SLC44A2: variants seen among roughly 807,000 people sequenced by gnomAD.
SLC44A2 encodes the protein solute carrier family 44 member 2 (CTL2 blood group).
SLC44A2 carries 57 observed loss-of-function variants against 90.8 expected under a neutral mutation model. The observed-to-expected ratio is 0.63, with a 90% confidence interval of 0.51 to 0.78. SLC44A2 has a LOEUF of 0.78. Ranked by LOEUF, SLC44A2 falls within the 30% of genes least tolerant of loss-of-function variation. SLC44A2 has a pLI of 0.00. For missense variants in SLC44A2, 794 were observed against 919.7 expected, an observed-to-expected ratio of 0.86 and a Z score of 1.77; for synonymous variants, 355 against 360.7, an observed-to-expected ratio of 0.98 and a Z score of 0.18.
At position 10,631,138 on chromosome 19, in the gene SLC44A2, C is replaced by T. The variant is rs1319917062; in HGVS notation, c.327C>T (p.Pro109=). The T allele has an allele frequency of 1.2e-6, 2 of 1,613,780 alleles. No homozygotes were observed. The highest frequency in any genetic ancestry group is 2.2e-5 in the East Asian group (1 of 44,876). ...LVLLEFQCPT[P]QICVEKCPDR... ...TGCTGGAATTCCAATGTCCCACTCC[C>T]CAGGTAACCTGGTCCCCACCGTTCC... Residue 109 remains proline, a synonymous_variant, in exon 5 of 22, where the codon CCC becomes CCT. Coordinates refer to ENST00000335757, the MANE Select transcript of SLC44A2 (RefSeq NM_020428.4).
chr19:10,633,815 A>G (rs1279262092), intron 10 of SLC44A2, among the ~76,000 whole-genome samples: 1 of 152,096 alleles, frequency 6.6e-6, no homozygotes, highest in African/African-American at 2.4e-5. Context: ...ATCCAATTTG[A>G]GGACACTCAT....
intron 1 of SLC44A2, among the ~76,000 whole-genome samples, chr19:10,619,655 T>C (rs1381283801): frequency 6.6e-6 from 1 of 151,782 alleles, no homozygotes; most frequent in Non-Finnish European, 1.5e-5. Flanking sequence ...CATTTAAGTA[T>C]AAAATTAGCA....
At chr19:10,606,387 T>C (rs1208737321) in intron 1 of SLC44A2, among the ~76,000 whole-genome samples, 4 of 151,964 alleles carry the variant, frequency 2.6e-5, no homozygotes, top group Non-Finnish European at 5.9e-5. Flanking sequence ...TATATATATA[T>C]ACATGTGGCC....
At chr19:10,614,164 A>AC (rs1291267698) in intron 1 of SLC44A2, among the ~76,000 whole-genome samples, 1 of 151,880 alleles carries the variant, frequency 6.6e-6, no homozygotes, top group Non-Finnish European at 1.5e-5. Context: ...ATGGGGTTTC[A>AC]CCACGTTGGC....
intron 4 of SLC44A2, among the ~76,000 whole-genome samples, chr19:10,630,382 C>G (rs557366225): frequency 2.6e-4 from 40 of 152,108 alleles, no homozygotes; most frequent in African/African-American, 9.2e-4. Flanking sequence ...AGAGGCCGGG[C>G]GCAGTGGCTC....
At chr19:10,614,655 CT>C (rs1207893026) in intron 1 of SLC44A2, among the ~76,000 whole-genome samples, 7 of 152,112 alleles carry the variant, frequency 4.6e-5, no homozygotes, top group African/African-American at 1.4e-4. Context: ...ATATCGTATT[CT>C]TACAATAAAG....
chr19:10,620,478 A>G (rs2066887926), intron 1 of SLC44A2, among the ~76,000 whole-genome samples: 2 of 152,252 alleles, frequency 1.3e-5, no homozygotes, highest in South Asian at 4.1e-4. Flanking sequence ...AACAAACAAA[A>G]AACGCAAATT....
chr19:10,625,499 T>G, upstream of SLC44A2: 1 of 1,221,738 alleles, frequency 8.2e-7, no homozygotes, highest in East Asian at 3.2e-5. Context: ...CTGACCGGTT[T>G]GGGCCGCCCC....
At chr19:10,642,291 C>A (rs948157811) in intron 20 of SLC44A2, 76 bp from the exon 21 acceptor site, 36 of 1,228,190 alleles carry the variant, frequency 2.9e-5, no homozygotes, top group African/African-American at 3.0e-5. Flanking sequence ...GTGGTCCCAG[C>A]ATAGGATGGA....
chr19:10,624,534 C>T (rs1459114893), upstream of SLC44A2, among the ~76,000 whole-genome samples: 1 of 152,124 alleles, frequency 6.6e-6, no homozygotes, highest in Non-Finnish European at 1.5e-5. Context: ...AAATCCTGAT[C>T]GACCTGCCTC....
chr19:10,621,253 G>A (rs1414882161), upstream of SLC44A2, among the ~76,000 whole-genome samples: 5 of 151,954 alleles, frequency 3.3e-5, no homozygotes. Context: ...TTGGGAGCCT[G>A]AGGCAGGAGA....
intron 4 of SLC44A2, 28 bp downstream of exon 4, chr19:10,628,032 G>T: frequency 6.3e-7 from 1 of 1,588,858 alleles, no homozygotes; most frequent in Non-Finnish European, 8.6e-7. Context: ...GGCCTGGTGG[G>T]GCTGGGGAAG....
At chr19:10,610,631 C>CTTTTTTTTTTTTTTTTTTTGTTTT (rs1918269982) in intron 1 of SLC44A2, among the ~76,000 whole-genome samples, 1 of 47,998 alleles carries the variant, frequency 2.1e-5, no homozygotes, top group Admixed American at 2.8e-4. Context: ...CCGCGCCTGG[C>CTTTTTTTTTTTTTTTTTTTGTTTT]TTTTTTTTTT....
intron 1 of SLC44A2, among the ~76,000 whole-genome samples, chr19:10,606,747 G>A (rs571426365): frequency 1.8e-4 from 28 of 151,908 alleles, no homozygotes; most frequent in African/African-American, 6.3e-4. Context: ...GGAGGCAGAG[G>A]TTGCAGTGAG....
chr19:10,638,322 A>T lies in SLC44A2; in HGVS notation c.1929+7A>T, dbSNP rs2067081344. ...TTACTGGGTTCCTATACTGGTATGG[A>T]CCTCTGGGGAGAGATGGGGGTTTGG... On this transcript the variant is annotated splice_region_variant and intron_variant, in intron 20 of 21. Coordinates refer to ENST00000335757, the MANE Select transcript of SLC44A2 (RefSeq NM_020428.4). The T allele has an allele frequency of 6.2e-7, 1 of 1,612,564 alleles. No homozygotes were observed. The highest frequency in any genetic ancestry group is 8.5e-7 in the Non-Finnish European group (1 of 1,178,882).
intron 1 of SLC44A2, among the ~76,000 whole-genome samples, chr19:10,615,650 T>C (rs1006223029): frequency 6.6e-6 from 1 of 151,864 alleles, no homozygotes; most frequent in African/African-American, 2.4e-5. Flanking sequence ...TTGGTCTTGC[T>C]GTCTCAGGGG....
chr19:10,607,324 C>T (rs979764947), intron 1 of SLC44A2, among the ~76,000 whole-genome samples: 1 of 151,884 alleles, frequency 6.6e-6, no homozygotes, highest in Non-Finnish European at 1.5e-5. Context: ...TCTCCCACCC[C>T]GGACCATACT....
intron 10 of SLC44A2, among the ~76,000 whole-genome samples, chr19:10,632,572 G>A (rs910911635): frequency 1.3e-4 from 19 of 150,720 alleles, no homozygotes; most frequent in Admixed American, 6.6e-4. Flanking sequence ...TCTCAGCACC[G>A]TAGTTAAGGA....
chr19:10,634,382 T>G (rs1456850112), intron 10 of SLC44A2, among the ~76,000 whole-genome samples: 1 of 150,952 alleles, frequency 6.6e-6, no homozygotes, highest in Non-Finnish European at 1.5e-5. Flanking sequence ...GAGAATCGCT[T>G]GAACCCGTGA....
Sources: gnomAD v4.1 joint callset for allele counts (sites outside exome capture counted in the v4.1 genomes callset) on GRCh38, gnomAD v4.1.1 for gene constraint, MANE v1.5 for transcripts, NCBI Gene and HGNC (gene_info 2026-07-23, HGNC 2026-07-21) for gene names.